Variants in TNIK observed in about 807,000 individuals in gnomAD.
TNIK encodes TRAF2 and NCK-interacting protein kinase.
Under a neutral mutation model 191.3 loss-of-function variants are expected in TNIK, and 49 were observed. The observed-to-expected ratio is 0.26, with a 90% CI of 0.20 to 0.32. The LOEUF is 0.32. TNIK is among the 10% of genes least tolerant of loss of function. The pLI is 1.00. For missense variants in TNIK, 1,155 were observed against 1,702.3 expected (o/e 0.68, Z 5.66); for synonymous variants, 594 against 600.9 (o/e 0.99, Z 0.17).
At chr3:171,213,880 G>T (rs1741157462) in intron 3 of TNIK, among the ~76,000 whole-genome samples, 1 of 152,020 alleles carries the variant, frequency 6.6e-6, no homozygotes, top group Non-Finnish European at 1.5e-5. Context: ...ATAAGTCCCA[G>T]CATTTTGTGG....
At chr3:171,256,383 A>G (rs1353410921) in intron 2 of TNIK, among the ~76,000 whole-genome samples, 1 of 152,230 alleles carries the variant, frequency 6.6e-6, no homozygotes, top group African/African-American at 2.4e-5. Context: ...GGTACAGTCG[A>G]GGGAGGCAGA....
At chr3:171,188,239 C>T (rs182497867) in intron 7 of TNIK, among the ~76,000 whole-genome samples, 23 of 152,254 alleles carry the variant, frequency 1.5e-4, no homozygotes, top group Admixed American at 1.3e-3. Flanking sequence ...ATCTGATTCC[C>T]TCTCATGAAA....
intron 2 of TNIK, among the ~76,000 whole-genome samples, chr3:171,252,162 T>G (rs761636823): frequency 7.2e-5 from 11 of 152,070 alleles, no homozygotes; most frequent in Non-Finnish European, 1.2e-4. Flanking sequence ...CCCTCCCCTA[T>G]AAATACATCT....
In TNIK at chr3:171,184,857, C is replaced by T. The variant is rs138341184; in HGVS notation, c.639+3845G>A. The stretch of plus-strand genomic sequence containing the variant: ...AACCAGAGCACAATATTCACCCAAA[C>T]GCTGGAGGAGACACCCATGTCTGCA... On this transcript the variant is annotated intron_variant, in intron 7 of 32. Coordinates refer to ENST00000436636, the MANE Select transcript of TNIK (RefSeq NM_015028.4). Among the ~76,000 whole-genome samples the T allele has an allele frequency of 2.1e-3, 322 of 152,254 alleles. 3 individuals are homozygous for T. The highest frequency in any genetic ancestry group is 7.2e-3 in the African/African-American group (299 of 41,540).
chr3:171,394,922 G>A (rs1020169092), intron 1 of TNIK, among the ~76,000 whole-genome samples: 1 of 152,110 alleles, frequency 6.6e-6, no homozygotes, highest in South Asian at 2.1e-4. Context: ...TGTGTTGCAG[G>A]GGGAGGAGAG....
intron 2 of TNIK, among the ~76,000 whole-genome samples, chr3:171,338,041 TG>T (rs977820268): frequency 1.3e-5 from 2 of 152,218 alleles, no homozygotes; most frequent in African/African-American, 4.8e-5. Flanking sequence ...TACGTACCTT[TG>T]AATCTCTTAA....
In TNIK at chr3:171,068,258, C is replaced by A. The variant is rs181916345; in HGVS notation, c.3699+590G>T. Among the ~76,000 whole-genome samples the A allele has an allele frequency of 1.4e-4, 22 of 152,290 alleles. No homozygotes were observed. In the East Asian group the frequency reaches 4.2e-3, roughly 29 times the overall value. On this transcript the variant is annotated intron_variant, in intron 30 of 32. Transcript: ENST00000436636. ...ACCAACTGCTTTAGATCCATTACCT[C>A]ATTTAATACTAATGATAATCCTATG...
intron 12 of TNIK, among the ~76,000 whole-genome samples, chr3:171,144,267 A>G (rs530389823): frequency 7.2e-5 from 11 of 152,234 alleles, no homozygotes; most frequent in African/African-American, 2.6e-4. Context: ...GAGATGATGG[A>G]TAGAACCTAC....
chr3:171,299,084 C>T lies in TNIK; in HGVS notation c.123+70536G>A, dbSNP rs201333585. On this transcript the variant is annotated intron_variant, in intron 2 of 32. Transcript: ENST00000436636. ...AGCCTTGTGGGGAGCTCCTGTGAGG[C>T]GGTTTCTCATCTACCTCCAGATTTT... 1.6e-4 allele frequency among the ~76,000 whole-genome samples: 25 copies of T among 152,238 alleles called. No homozygotes were observed. The East Asian group carries it at 2.9e-3, about 18-fold the overall frequency.
chr3:171,285,918 C>A (rs1352452507), intron 2 of TNIK, among the ~76,000 whole-genome samples: 3 of 152,198 alleles, frequency 2.0e-5, no homozygotes, highest in African/African-American at 7.2e-5. Flanking sequence ...ACCAAAATCA[C>A]TTCGGGGCAA....
rs1341007811 is a variant in TNIK, at chr3:171,416,396, T to A, written c.57+43611A>T. Among the ~76,000 whole-genome samples the A allele has an allele frequency of 2.6e-5, 4 of 151,998 alleles. No homozygotes were observed. In the East Asian group the frequency reaches 5.8e-4, roughly 22 times the overall value. ...CTACGAGACAACTGGACAGGTCTCT[T>A]CAAAAATGTTAGTATCGGGAAGAAC... On this transcript the variant is annotated intron_variant, in intron 1 of 32. Transcript: ENST00000436636.
intron 18 of TNIK, among the ~76,000 whole-genome samples, chr3:171,118,034 T>A (rs897330551): frequency 2.6e-5 from 4 of 152,166 alleles, no homozygotes; most frequent in African/African-American, 9.7e-5. Flanking sequence ...ATTGTATATC[T>A]AGAAAGCCCC....
chr3:171,313,756 A>G (rs1754309825), intron 2 of TNIK, among the ~76,000 whole-genome samples: 1 of 152,170 alleles, frequency 6.6e-6, no homozygotes, highest in Admixed American at 6.6e-5. Flanking sequence ...GAGTCCTTCA[A>G]TCTTGAGAAT....
In TNIK at chr3:171,382,218, C is replaced by CT. The variant is rs63626462; in HGVS notation, c.58-12534dup. Among the ~76,000 whole-genome samples the CT allele has an allele frequency of 5.0e-3, 493 of 99,084 alleles. 19 individuals carry two copies. Among genetic ancestry groups the CT allele is most frequent in the Admixed American group, 0.01 (83 of 7,976 alleles). 65.0% of individuals were successfully genotyped at this position (99,084 alleles called of 152,430 possible). A position where few individuals can be genotyped will look rare whatever the true frequency, so the allele number is the denominator to read the frequency against. On this transcript the variant is annotated intron_variant, in intron 1 of 32. Transcript: ENST00000436636. ...CAGTCTCTAAGGTTGTTGAATACAT[C>CT]TTTTTTTTTTTTTTTTTTTTTTGAG... is the stretch of plus-strand genomic sequence containing the variant.
rs575870644 is a variant in TNIK, at chr3:171,125,439, A to C, written c.2013+473T>G. Reference sequence around the variant, plus strand: ...TGGCCTAGAAAGAGCTTTCCTTAAAATGGGGCCAACTAAAATATCCTAAGA... The same window carrying C: ...TGGCCTAGAAAGAGCTTTCCTTAAACTGGGGCCAACTAAAATATCCTAAGA... On this transcript the variant is annotated intron_variant, in intron 17 of 32. Transcript: ENST00000436636. 6.6e-5 allele frequency among the ~76,000 whole-genome samples: 10 copies of C among 152,344 alleles called. No individual in the cohort carries two copies. The East Asian group carries it at 1.2e-3, about 18-fold the overall frequency.
At chr3:171,233,584 C>G (rs1743928940) in intron 2 of TNIK, among the ~76,000 whole-genome samples, 1 of 152,168 alleles carries the variant, frequency 6.6e-6, no homozygotes, top group Non-Finnish European at 1.5e-5. Context: ...AGAGCCACCT[C>G]ACCCAAGGTC....
chr3:171,106,090 G>T (rs925025202), intron 21 of TNIK, among the ~76,000 whole-genome samples: 5 of 152,120 alleles, frequency 3.3e-5, no homozygotes, highest in Admixed American at 2.6e-4. Context: ...GTGGTGAGGT[G>T]GCCATAAGTC....
intron 1 of TNIK, among the ~76,000 whole-genome samples, chr3:171,394,287 A>C (rs1577757524): frequency 6.6e-6 from 1 of 152,070 alleles, no homozygotes; most frequent in African/African-American, 2.4e-5. Flanking sequence ...CAAATTATAA[A>C]TTTTCCTCAA....
chr3:171,066,884 T>TA, intron 30 of TNIK, 149 bp from the exon 31 acceptor site: 1 of 932,722 alleles, frequency 1.1e-6, no homozygotes, highest in Non-Finnish European at 1.6e-6. Context: ...CACTGACTTG[T>TA]AAAATACCCT....
Sources: gnomAD v4.1 joint callset for allele counts (sites outside exome capture counted in the v4.1 genomes callset) on GRCh38, gnomAD v4.1.1 for gene constraint, MANE v1.5 for transcripts, NCBI Gene and HGNC (gene_info 2026-07-23, HGNC 2026-07-21) for gene names.